Variants in RAPGEF6 observed in about 807,000 individuals in gnomAD.
RAPGEF6 encodes the protein Rap guanine nucleotide exchange factor 6.
Under a neutral mutation model 171.4 loss-of-function variants are expected in RAPGEF6, and 56 were observed. That is an observed-to-expected ratio of 0.33 (90% CI 0.26 to 0.41). RAPGEF6 has a LOEUF of 0.41. RAPGEF6 is among the 10% of genes least tolerant of loss of function. The pLI is 1.00. For missense variants in RAPGEF6, 1,674 were observed against 1,921.4 expected, an observed-to-expected ratio of 0.87 and a Z score of 2.41; for synonymous variants, 692 against 650.1, an observed-to-expected ratio of 1.06 and a Z score of -0.98.
intron 19 of RAPGEF6, among the ~76,000 whole-genome samples, chr5:131,460,860 G>T (rs1379093446): frequency 1.3e-5 from 2 of 152,126 alleles, no homozygotes; most frequent in African/African-American, 2.4e-5. Context: ...TCTACATGAG[G>T]AGTAGAAACA....
chr5:131,465,078 G>A (rs958545248), intron 17 of RAPGEF6, among the ~76,000 whole-genome samples: 1 of 151,656 alleles, frequency 6.6e-6, no homozygotes, highest in South Asian at 2.1e-4. Flanking sequence ...AATATTTTTT[G>A]GTATCCCTTA....
intron 1 of RAPGEF6, among the ~76,000 whole-genome samples, chr5:131,618,044 G>A (rs1166739000): frequency 6.6e-6 from 1 of 152,094 alleles, no homozygotes; most frequent in Non-Finnish European, 1.5e-5. Flanking sequence ...TTGGATAAAC[G>A]GCTGACTTCA....
At chr5:131,436,146 C>T (rs982660671) in intron 24 of RAPGEF6, 4 of 1,537,868 alleles carry the variant, frequency 2.6e-6, no homozygotes, top group Non-Finnish European at 3.5e-6. Flanking sequence ...TGACTAGTCT[C>T]TCCCTTGAAA....
chr5:131,474,186 G>A (rs753577135), intron 16 of RAPGEF6, among the ~76,000 whole-genome samples: 7 of 152,118 alleles, frequency 4.6e-5, no homozygotes, highest in Non-Finnish European at 7.4e-5. Flanking sequence ...AGAATAGGGC[G>A]GGGCACATTG....
chr5:131,455,737 A>T, intron 20 of RAPGEF6, 64 bp downstream of exon 20: 1 of 1,425,282 alleles, frequency 7.0e-7, no homozygotes, highest in East Asian at 2.3e-5. Flanking sequence ...CATACACAAA[A>T]ATCAATTCAG....
chr5:131,472,511 T>C, intron 17 of RAPGEF6, 76 bp downstream of exon 17: 1 of 1,514,290 alleles, frequency 6.6e-7, no homozygotes, highest in South Asian at 1.2e-5. Flanking sequence ...ACTCTAGCAC[T>C]TGCTGCACAA....
chr5:131,431,392 A>G (rs374806005), intron 25 of RAPGEF6, 43 bp from the exon 26 acceptor site: 3 of 1,536,160 alleles, frequency 2.0e-6, no homozygotes, highest in Non-Finnish European at 2.6e-6. Context: ...TTGCCAGAAA[A>G]ACTATCTTCT....
Position 131,424,347 on chromosome 5 carries a change from T to G in RAPGEF6, c.*2919A>C, listed in dbSNP as rs73253092. On this transcript the variant is annotated 3_prime_UTR_variant, in exon 28 of 28. Coordinates refer to ENST00000509018, the MANE Select transcript of RAPGEF6 (RefSeq NM_016340.6). ...AATTTGAACATGTACTGTGACACTTTTGACACTTTTCTGAAGATTTATCCC... is the reference window on the plus strand; with the variant it reads ...AATTTGAACATGTACTGTGACACTTGTGACACTTTTCTGAAGATTTATCCC... 1 of 152,400 alleles carries G rather than the reference T, an allele frequency of 6.6e-6. No homozygotes were observed. The highest frequency in any genetic ancestry group is 1.5e-5 in the Non-Finnish European group (1 of 68,044). 9.4% of individuals were successfully genotyped at this position (152,400 alleles called of 1,614,324 possible). A position where few individuals can be genotyped will look rare whatever the true frequency, so the allele number is the denominator to read the frequency against.
rs1293299651 is a variant in RAPGEF6, at chr5:131,596,595, C to CA, written c.198-4130dup. ...AAAAAGCATGGTACTGACATAAAAA[C>CA]AGACCAATAGAGCAGAATGGATATC... is the stretch of plus-strand genomic sequence containing the variant. On this transcript the variant is annotated intron_variant, in intron 3 of 27. Coordinates refer to ENST00000509018, the MANE Select transcript of RAPGEF6 (RefSeq NM_016340.6). 3.3e-5 allele frequency among the ~76,000 whole-genome samples: 5 copies of CA among 152,018 alleles called. No homozygotes were observed. The East Asian group carries it at 9.6e-4, about 29-fold the overall frequency.
At chr5:131,467,890 G>A (rs1457334160) in intron 17 of RAPGEF6, among the ~76,000 whole-genome samples, 1 of 152,038 alleles carries the variant, frequency 6.6e-6, no homozygotes, top group Non-Finnish European at 1.5e-5. Flanking sequence ...TATTATCTGG[G>A]CGTGGTGGTG....
chr5:131,575,139 C>T (rs901510253), intron 4 of RAPGEF6, among the ~76,000 whole-genome samples: 15 of 152,158 alleles, frequency 9.9e-5, no homozygotes, highest in Non-Finnish European at 1.9e-4. Flanking sequence ...CTTCACTATT[C>T]CTTTGCACCC....
intron 4 of RAPGEF6, among the ~76,000 whole-genome samples, chr5:131,562,318 T>C (rs1241255024): frequency 1.3e-5 from 2 of 152,144 alleles, no homozygotes; most frequent in Non-Finnish European, 2.9e-5. Flanking sequence ...TTATAAAAGA[T>C]AACTGTCTAA....
At chr5:131,440,564 C>A (rs1203187661) in intron 23 of RAPGEF6, among the ~76,000 whole-genome samples, 3 of 151,368 alleles carry the variant, frequency 2.0e-5, no homozygotes, top group Non-Finnish European at 4.4e-5. Context: ...ATGGTGAAAC[C>A]CCATCTCTAC....
At chr5:131,431,934 T>C (rs190763536) in intron 25 of RAPGEF6, among the ~76,000 whole-genome samples, 119 of 152,278 alleles carry the variant, frequency 7.8e-4, no homozygotes, top group South Asian at 6.4e-3. Flanking sequence ...TGAAGAATCA[T>C]GTTTTATTTT....
At chr5:131,464,985 AT>A (rs576788699) in intron 17 of RAPGEF6, among the ~76,000 whole-genome samples, 25 of 152,276 alleles carry the variant, frequency 1.6e-4, no homozygotes, top group East Asian at 1.5e-3. Context: ...CTCCAAAAAA[AT>A]ATCATTATTT....
intron 20 of RAPGEF6, among the ~76,000 whole-genome samples, chr5:131,455,512 C>A (rs936198065): frequency 3.3e-5 from 5 of 152,206 alleles, no homozygotes; most frequent in African/African-American, 1.2e-4. Flanking sequence ...CCTGCCTAGG[C>A]CTTCCAAAGT....
At chr5:131,480,231 T>C (rs908030144) in intron 15 of RAPGEF6, among the ~76,000 whole-genome samples, 6 of 152,162 alleles carry the variant, frequency 3.9e-5, no homozygotes, top group Admixed American at 2.6e-4. Context: ...AAATACAGTA[T>C]TCTTGGGATG....
intron 1 of RAPGEF6, among the ~76,000 whole-genome samples, chr5:131,631,894 G>A (rs994041118): frequency 5.3e-5 from 8 of 152,046 alleles, no homozygotes; most frequent in African/African-American, 1.9e-4. Context: ...GGCTAACACG[G>A]TGAAACCCCA....
chr5:131,629,679 G>A (rs1475324727), intron 1 of RAPGEF6, among the ~76,000 whole-genome samples: 2 of 151,478 alleles, frequency 1.3e-5, no homozygotes, highest in Non-Finnish European at 2.9e-5. Flanking sequence ...CTTGAGCCTG[G>A]GAAGTAGAGG....
Sources: gnomAD v4.1 joint callset for allele counts (sites outside exome capture counted in the v4.1 genomes callset) on GRCh38, gnomAD v4.1.1 for gene constraint, MANE v1.5 for transcripts, NCBI Gene and HGNC (gene_info 2026-07-23, HGNC 2026-07-21) for gene names.